The following GRAMD4 variants were observed in gnomAD, a reference collection of about 807,000 sequenced individuals.
GRAMD4 encodes the protein GRAM domain-containing protein 4.
In GRAMD4, 25 loss-of-function variants were observed where a neutral mutation model predicts 83.9. The ratio of observed to expected loss-of-function variants is 0.30; its 90% confidence interval spans 0.22 to 0.42. The LOEUF (loss-of-function observed/expected upper bound fraction) is 0.42. Ranked by LOEUF, GRAMD4 falls within the 10% of genes least tolerant of loss-of-function variation. The probability of loss-of-function intolerance (pLI) is 1.00; values close to 1 mark genes in which losing one functional copy is unlikely to be tolerated. For missense variants in GRAMD4, 593 were observed against 788.7 expected (o/e 0.75, Z 2.97); for synonymous variants, 336 against 320.9 (o/e 1.05, Z -0.50).
At chr22:46,629,246 T>A (rs1231549918) in intron 2 of GRAMD4, among the ~76,000 whole-genome samples, 2 of 152,146 alleles carry the variant, frequency 1.3e-5, no homozygotes, top group African/African-American at 4.8e-5. Flanking sequence ...AACCTGGACC[T>A]GAGCCTCAGT....
At position 46,663,117 on chromosome 22, in the gene GRAMD4, C is replaced by T. The variant is rs1429282610; in HGVS notation, c.544C>T (p.Arg182Trp). ...GTTTGGGGAGTACGTGGAGGACTTCCGGTTCCAGCCCGAGGAGAACACTGT... is the reference window on the plus strand; with the variant it reads ...GTTTGGGGAGTACGTGGAGGACTTCTGGTTCCAGCCCGAGGAGAACACTGT... ...ERFGEYVEDF[R>W]FQPEENTVET... Residue 182 changes from arginine to tryptophan, a missense_variant, in exon 6 of 19, where the codon CGG becomes TGG. By Grantham distance (101) the Arg-to-Trp change is moderately radical. This residue lies in a region of GRAMD4 where 312 missense variants were observed against 350.7 expected (regional missense o/e 0.89). Transcript: ENST00000406902. The T allele has an allele frequency of 1.9e-6, 3 of 1,612,256 alleles. No homozygotes were observed. Among genetic ancestry groups the T allele is most frequent in the Admixed American group, 3.3e-5 (2 of 59,996 alleles).
intron 2 of GRAMD4, among the ~76,000 whole-genome samples, chr22:46,635,640 C>T (rs55887106): frequency 0.11 from 4,875 of 44,556 alleles, 1,057 homozygotes; most frequent in East Asian, 0.79. Flanking sequence ...CCTGGGGGAC[C>T]GTGTCCTCCC....
chr22:46,675,687 G>T (rs2082586690), intron 17 of GRAMD4, 135 bp downstream of exon 17: 1 of 669,424 alleles, frequency 1.5e-6, no homozygotes, highest in Non-Finnish European at 2.7e-6. Flanking sequence ...GCCGGCCATG[G>T]TCCGTTTCCT....
chr22:46,654,375 G>A (rs1005747108), intron 3 of GRAMD4, among the ~76,000 whole-genome samples: 1 of 152,194 alleles, frequency 6.6e-6, no homozygotes, highest in Non-Finnish European at 1.5e-5. Flanking sequence ...ACCCACCCAG[G>A]CACCCTCTCA....
Position 46,647,616 on chromosome 22 carries a change from G to A in GRAMD4, c.283+9656G>A, listed in dbSNP as rs115975047. Reference sequence around the variant, plus strand: ...TGCAGGTCCTGGGTCCAGCATTGTCGTCTGACAGGTGTTTTGGATGATGCC... The same window carrying A: ...TGCAGGTCCTGGGTCCAGCATTGTCATCTGACAGGTGTTTTGGATGATGCC... On this transcript the variant is annotated intron_variant, in intron 3 of 18. Transcript: ENST00000406902. Among the ~76,000 whole-genome samples the A allele has an allele frequency of 4.3e-3, 660 of 152,370 alleles. 5 individuals carry two copies. Among genetic ancestry groups the A allele is most frequent in the African/African-American group, 0.015 (627 of 41,588 alleles).
chr22:46,658,242 G>T lies in GRAMD4; in HGVS notation c.339G>T (p.Glu113Asp). 1 of 1,613,616 alleles carries T rather than the reference G, an allele frequency of 6.2e-7. No homozygotes were observed. The highest frequency in any genetic ancestry group is 8.5e-7 in the Non-Finnish European group (1 of 1,179,958). The stretch of plus-strand genomic sequence containing the variant: ...CCAACGCGGAGATGCTGCGGCAGGA[G>T]CTGGACCGCGAGCGGCAGCGGCGGA... ...EETNAEMLRQ[E>D]LDRERQRRME... The change falls in exon 4 of 19, where the codon GAG (glutamate) becomes GAT (aspartate). Residue 113 changes from glutamate to aspartate, a missense_variant. This residue lies in a region of GRAMD4 where 312 missense variants were observed against 350.7 expected (regional missense o/e 0.89). Transcript: ENST00000406902.
intron 2 of GRAMD4, among the ~76,000 whole-genome samples, chr22:46,628,420 T>A (rs2081705528): frequency 6.7e-6 from 1 of 149,860 alleles, no homozygotes; most frequent in Non-Finnish European, 1.5e-5. Context: ...ACTGAGTGTG[T>A]GCGTGGTGTC....
rs2082532298 is a variant in GRAMD4, at chr22:46,672,899, A to C, written c.1141A>C (p.Arg381=). The C allele has an allele frequency of 3.7e-6, 6 of 1,612,526 alleles. No homozygotes were observed. The highest frequency in any genetic ancestry group is 5.1e-6 in the Non-Finnish European group (6 of 1,179,592). The change falls in exon 14 of 19, where the codon AGG becomes CGG. Residue 381 remains arginine (R), a synonymous_variant. Coordinates refer to ENST00000406902, the MANE Select transcript of GRAMD4 (RefSeq NM_015124.5). This position sits in a 1 kb window ranked among gnomAD's most constrained non-coding sequence, Gnocchi z 4.7. The part of the protein sequence containing the change: ...LIDFIFKRCP[R]LRAKYDTPYI... Reference sequence around the variant, plus strand: ...TGATTTCATCTTTAAACGCTGCCCGAGGCTGCGCGCCAAGTACGACACGCC... The same window carrying C: ...TGATTTCATCTTTAAACGCTGCCCGCGGCTGCGCGCCAAGTACGACACGCC...
In GRAMD4 at chr22:46,677,268, A is replaced by G. The variant is rs756798390; in HGVS notation, c.*17A>G. The G allele has an allele frequency of 2.5e-6, 4 of 1,573,596 alleles. No homozygotes were observed. Among genetic ancestry groups the G allele is most frequent in the African/African-American group, 2.8e-5 (2 of 71,876 alleles). On this transcript the variant is annotated 3_prime_UTR_variant, in exon 19 of 19. Coordinates refer to ENST00000406902, the MANE Select transcript of GRAMD4 (RefSeq NM_015124.5). ...GACAGCTAGTATTGACTTGCCCAGG[A>G]CGTTGCTGGAATTTTCTTTTTCTTT...
At chr22:46,682,549 G>C, downstream of GRAMD4, 1 of 446,570 alleles carries the variant, frequency 2.2e-6, no homozygotes, top group Non-Finnish European at 3.0e-6. Context: ...CCCGCCCAGT[G>C]ACGGCCACTC....
chr22:46,589,542 T>C (rs540483848), intron 1 of GRAMD4, among the ~76,000 whole-genome samples: 45 of 150,878 alleles, frequency 3.0e-4, no homozygotes, highest in African/African-American at 9.5e-4. Context: ...CCAGGGGATG[T>C]GGGGGGTGGC....
At chr22:46,658,105 T>C in intron 3 of GRAMD4, 82 bp from the exon 4 acceptor site, 1 of 1,564,148 alleles carries the variant, frequency 6.4e-7, no homozygotes, top group Non-Finnish European at 8.8e-7. Flanking sequence ...TGTTTCTGAG[T>C]CAGGCACCCC....
intron 1 of GRAMD4, among the ~76,000 whole-genome samples, chr22:46,598,906 T>C (rs1214568213): frequency 6.6e-6 from 1 of 151,794 alleles, no homozygotes; most frequent in Non-Finnish European, 1.5e-5. Context: ...GGGAAGAGGG[T>C]AACACAGGAG....
chr22:46,617,112 G>T (rs556268635), upstream of GRAMD4, among the ~76,000 whole-genome samples: 6 of 141,216 alleles, frequency 4.2e-5, 1 homozygote, highest in African/African-American at 1.7e-4. Context: ...TCCCCTGTCC[G>T]TGTAGGTTCC....
intron 2 of GRAMD4, among the ~76,000 whole-genome samples, chr22:46,630,517 C>A (rs977846495): frequency 3.3e-5 from 5 of 152,184 alleles, no homozygotes; most frequent in African/African-American, 1.2e-4. Context: ...CCGCGCCATG[C>A]TCCGTGCCCA....
chr22:46,678,214 G>A lies in GRAMD4; in HGVS notation c.*963G>A, dbSNP rs1161617194. On this transcript the variant is annotated 3_prime_UTR_variant, in exon 19 of 19. Coordinates refer to ENST00000406902, the MANE Select transcript of GRAMD4 (RefSeq NM_015124.5). ...GGGAGGAAGTGGGGAGGAGTGTTCC[G>A]GGACCATGGTGGCCCAGGCTGCAGC... 1.7e-5 allele frequency: 17 copies of A among 985,180 alleles called. No homozygotes were observed. Among genetic ancestry groups the A allele is most frequent in the Non-Finnish European group, 1.9e-5 (16 of 829,804 alleles). The allele number at this position is 985,180 out of a possible 1,614,324, so 61.0% of individuals were successfully genotyped here. A position where few individuals can be genotyped will look rare whatever the true frequency, so the allele number is the denominator to read the frequency against.
intron 1 of GRAMD4, among the ~76,000 whole-genome samples, chr22:46,579,863 T>C (rs1280090778): frequency 6.6e-6 from 1 of 152,144 alleles, no homozygotes; most frequent in Non-Finnish European, 1.5e-5. Context: ...TGTGGGCTTC[T>C]GTGTGTCAGG....
chr22:46,665,743 C>A, intron 9 of GRAMD4, 37 bp downstream of exon 9: 1 of 1,067,326 alleles, frequency 9.4e-7, no homozygotes, highest in Non-Finnish European at 1.5e-6. Context: ...CTTTATCCCA[C>A]CGCATGTATG....
chr22:46,587,613 C>T (rs1277038762), intron 1 of GRAMD4, among the ~76,000 whole-genome samples: 4 of 151,968 alleles, frequency 2.6e-5, no homozygotes, highest in Non-Finnish European at 4.4e-5. Context: ...GGCCAGTGGG[C>T]TGGATGGGGG....
Sources: allele counts gnomAD v4.1 joint callset (sites outside exome capture counted in the v4.1 genomes callset), GRCh38; gene constraint gnomAD v4.1.1; regional missense constraint gnomAD v4.1.1; non-coding constraint Gnocchi (gnomAD v3.1); transcripts MANE v1.5; gene names NCBI Gene and HGNC (gene_info 2026-07-23, HGNC 2026-07-21).